The following PALLD variants were observed in gnomAD, a reference collection of about 807,000 sequenced individuals.
PALLD encodes palladin, cytoskeletal associated protein.
A neutral mutation model predicts 123.5 loss-of-function variants in PALLD; 61 were observed. The ratio of observed to expected loss-of-function variants is 0.49; its 90% CI spans 0.40 to 0.61. The LOEUF (loss-of-function observed/expected upper bound fraction) is 0.61. Among genes scored for constraint, PALLD ranks in the 20% least tolerant of loss-of-function variants. The probability of loss-of-function intolerance (pLI) is 0.00; values close to 1 mark genes in which losing one functional copy is unlikely to be tolerated. For synonymous variants in PALLD, 465 were observed against 496.4 expected (o/e 0.94, Z 0.84); for missense variants, 1,273 against 1,377.0 (o/e 0.92, Z 1.20).
rs778216620 is a variant in PALLD, at chr4:168,512,267, C to T, written c.763C>T (p.Arg255Cys). 10 of 1,613,992 alleles carry T rather than the reference C, an allele frequency of 6.2e-6. No homozygotes were observed. Among genetic ancestry groups the T allele is most frequent in the South Asian group, 1.1e-5 (1 of 91,084 alleles). ...DNQDLAVPHNRKSHPQPHSAL... is the reference protein window; with the variant it reads ...DNQDLAVPHNCKSHPQPHSAL... ...CCAGGACTTGGCAGTGCCACACAAC[C>T]GCAAGTCTCACCCACAGCCCCACAG... Residue 255 changes from arginine to cysteine, a missense_variant, in exon 2 of 22, where the codon CGC becomes TGC. By Grantham distance (180) the Arg-to-Cys change is radical. Around this residue, in one of 2 missense-constraint regions of PALLD, gnomAD observed 944 missense variants for 954.5 expected, o/e 0.99. Transcript: ENST00000505667.
At position 168,649,153 on chromosome 4, in the gene PALLD, C is replaced by T. The variant is rs993266393; in HGVS notation, c.909-19037C>T. 4.6e-5 allele frequency among the ~76,000 whole-genome samples: 7 copies of T among 152,320 alleles called. No individual in the cohort carries two copies. The South Asian group carries it at 1.2e-3, about 27-fold the overall frequency. The stretch of plus-strand genomic sequence containing the variant: ...GAAGCACAACAGAATACCAGCCTGA[C>T]GTGTCACATTCTGCATGCGCTCATT... On this transcript the variant is annotated intron_variant, in intron 2 of 21. Transcript: ENST00000505667.
At chr4:168,901,533 T>G (rs1290311816) in intron 14 of PALLD, among the ~76,000 whole-genome samples, 1 of 152,194 alleles carries the variant, frequency 6.6e-6, no homozygotes, top group South Asian at 2.1e-4. Context: ...AGAAATTGTA[T>G]ACTTATTACA....
At chr4:168,597,462 T>C (rs1772110114) in intron 2 of PALLD, among the ~76,000 whole-genome samples, 1 of 152,086 alleles carries the variant, frequency 6.6e-6, no homozygotes, top group Non-Finnish European at 1.5e-5. Context: ...ACATGACATA[T>C]ACCACAAACA....
At chr4:168,631,643 C>T (rs1413341692) in intron 2 of PALLD, 1 of 985,422 alleles carries the variant, frequency 1.0e-6, no homozygotes, top group Non-Finnish European at 1.2e-6. Context: ...CCGGCGGCCT[C>T]TCACCGAGCC....
intron 2 of PALLD, among the ~76,000 whole-genome samples, chr4:168,627,238 G>A (rs995378408): frequency 3.3e-5 from 5 of 152,178 alleles, no homozygotes; most frequent in African/African-American, 7.2e-5. Flanking sequence ...GGCCAGGCAC[G>A]GTGGCTCATG....
At chr4:168,846,881 G>T (rs1160062132) in intron 10 of PALLD, among the ~76,000 whole-genome samples, 1 of 152,086 alleles carries the variant, frequency 6.6e-6, no homozygotes, top group African/African-American at 2.4e-5. Flanking sequence ...TAAGCAATTC[G>T]CTTACGGTTA....
At chr4:168,787,708 T>C (rs1736943265) in intron 10 of PALLD, among the ~76,000 whole-genome samples, 1 of 152,292 alleles carries the variant, frequency 6.6e-6, no homozygotes, top group South Asian at 2.1e-4. Flanking sequence ...CTTTTCACAT[T>C]TTTTCTCTTC....
intron 2 of PALLD, among the ~76,000 whole-genome samples, chr4:168,602,470 C>T (rs760146875): frequency 2.6e-5 from 4 of 152,146 alleles, no homozygotes; most frequent in African/African-American, 7.2e-5. Context: ...AGACTCCATA[C>T]GTGAACTCTG....
chr4:168,927,965 T>TA lies in PALLD; in HGVS notation c.*1786dup, dbSNP rs1762767340. On this transcript the variant is annotated 3_prime_UTR_variant, in exon 22 of 22. Coordinates refer to ENST00000505667, the MANE Select transcript of PALLD (RefSeq NM_001166108.2). ...GCTCAGTTACTCAATTCATACGTAG[T>TA]ATTTTTTAAAATAATTTTATATCTG... 3 of 196,612 alleles carry TA rather than the reference T, an allele frequency of 1.5e-5. No individual in the cohort carries two copies. The highest frequency in any genetic ancestry group is 1.6e-4 in the East Asian group (2 of 12,440). 12.2% of individuals were successfully genotyped at this position (196,612 alleles called of 1,614,324 possible). A position where few individuals can be genotyped will look rare whatever the true frequency, so the allele number is the denominator to read the frequency against.
intron 6 of PALLD, among the ~76,000 whole-genome samples, chr4:168,685,817 A>G: frequency 6.7e-6 from 1 of 149,612 alleles, no homozygotes; most frequent in Non-Finnish European, 1.5e-5. Context: ...ATAGAAAAAA[A>G]AAAAAAAAAA....
intron 10 of PALLD, among the ~76,000 whole-genome samples, chr4:168,761,648 T>TG (rs1561493767): frequency 1.7e-4 from 6 of 34,420 alleles, no homozygotes; most frequent in African/African-American, 3.9e-4. Flanking sequence ...GTTGTTTGTT[T>TG]TTTTTTTTTT....
Position 168,631,695 on chromosome 4 carries a change from C to T in PALLD, c.909-36495C>T, listed in dbSNP as rs777865036. On this transcript the variant is annotated intron_variant, in intron 2 of 21. Transcript: ENST00000505667. ...CGCCGCCAGGAGGCTTCCCGGGAGCCGGCGGGGCCCAGGACCTCTCGAGCG... is the reference window on the plus strand; with the variant it reads ...CGCCGCCAGGAGGCTTCCCGGGAGCTGGCGGGGCCCAGGACCTCTCGAGCG... 33 of 985,490 alleles carry T rather than the reference C, an allele frequency of 3.3e-5. No homozygotes were observed. The East Asian group carries it at 1.8e-3, about 54-fold the overall frequency. 61.0% of individuals were successfully genotyped at this position (985,490 alleles called of 1,614,324 possible). A position where few individuals can be genotyped will look rare whatever the true frequency, so the allele number is the denominator to read the frequency against.
chr4:168,846,350 G>C (rs1227580225), intron 10 of PALLD, among the ~76,000 whole-genome samples: 1 of 152,110 alleles, frequency 6.6e-6, no homozygotes, highest in Non-Finnish European at 1.5e-5. Context: ...ATAGGTACTT[G>C]GTGATTATTG....
rs892727473 is a variant in PALLD at position 168,582,945 on chromosome 4, T to C, written c.908+70533T>C. Among the ~76,000 whole-genome samples the C allele has an allele frequency of 4.1e-4, 63 of 152,302 alleles. 1 individual carries two copies. The highest frequency in any genetic ancestry group is 1.4e-3 in the African/African-American group (58 of 41,582). On this transcript the variant is annotated intron_variant, in intron 2 of 21. Transcript: ENST00000505667. Reference sequence around the variant, plus strand: ...AACAAATTCCTTGGTTCCAGTACTTTACTGTTCATTGAAAGCCAGGAAGTA... The same window carrying C: ...AACAAATTCCTTGGTTCCAGTACTTCACTGTTCATTGAAAGCCAGGAAGTA...
At chr4:168,601,421 G>A (rs1169491671) in intron 2 of PALLD, among the ~76,000 whole-genome samples, 2 of 152,058 alleles carry the variant, frequency 1.3e-5, no homozygotes, top group South Asian at 2.1e-4. Flanking sequence ...GCCATGAATA[G>A]CCTGTTAGAG....
chr4:168,541,850 GTCCC>G (rs1228045678), intron 2 of PALLD, among the ~76,000 whole-genome samples: 1 of 152,144 alleles, frequency 6.6e-6, no homozygotes, highest in Non-Finnish European at 1.5e-5. Flanking sequence ...GTTGAAAAGT[GTCCC>G]TTCCAGTCAA....
chr4:168,913,260 C>A (rs1759398435), intron 15 of PALLD, among the ~76,000 whole-genome samples: 1 of 151,886 alleles, frequency 6.6e-6, no homozygotes, highest in African/African-American at 2.4e-5. Context: ...CCTCAGCCTC[C>A]CAAGTAGCTG....
chr4:168,531,630 T>C (rs955508352), intron 2 of PALLD, among the ~76,000 whole-genome samples: 5 of 152,324 alleles, frequency 3.3e-5, no homozygotes, highest in East Asian at 1.9e-4. Flanking sequence ...AGTTAGGCCA[T>C]GCATGCTTAA....
intron 10 of PALLD, among the ~76,000 whole-genome samples, chr4:168,760,296 T>C (rs12509795): frequency 0.31 from 47,195 of 151,576 alleles, 7,934 homozygotes; most frequent in East Asian, 0.59. Flanking sequence ...CTTGTGATCC[T>C]CCCTAGTTCC....
Sources: gnomAD v4.1 joint callset for allele counts (sites outside exome capture counted in the v4.1 genomes callset) on GRCh38, gnomAD v4.1.1 for gene constraint, gnomAD v4.1.1 regional missense constraint, MANE v1.5 for transcripts, NCBI Gene and HGNC (gene_info 2026-07-23, HGNC 2026-07-21) for gene names.